The following MYO7B variants were observed in gnomAD, a reference collection of about 807,000 sequenced individuals.
The protein encoded by MYO7B is unconventional myosin-VIIb.
A neutral mutation model predicts 259.7 loss-of-function variants in MYO7B; 212 were observed. The observed-to-expected ratio is 0.82, with a 90% CI of 0.73 to 0.91. The LOEUF (loss-of-function observed/expected upper bound fraction) is 0.91. Ranked by LOEUF, MYO7B falls within the 40% of genes least tolerant of loss-of-function variation. MYO7B has a pLI of 0.00. For synonymous variants in MYO7B, 1,197 were observed against 1,166.4 expected (o/e 1.03, Z -0.54); for missense variants, 2,732 against 2,813.5 (o/e 0.97, Z 0.66).
Position 127,580,700 on chromosome 2 carries a change from C to T in MYO7B, c.1004-46C>T, listed in dbSNP as rs374243712. 131 of 1,562,156 alleles carry T rather than the reference C, an allele frequency of 8.4e-5. 2 individuals carry two copies. In the African/African-American group the frequency reaches 1.2e-3, roughly 15 times the overall value. ...GGGCCAGTCGGGACCTTGCTCCCAT[C>T]GCTCCAGGCTGCTTTCCAACTCAGC... On this transcript the variant is annotated intron_variant, in intron 9 of 47. Coordinates refer to ENST00000409816, the MANE Select transcript of MYO7B (RefSeq NM_001393586.1).
At chr2:127,629,877 G>A (rs1283611327) in intron 35 of MYO7B, 51 bp downstream of exon 35, 6 of 1,508,252 alleles carry the variant, frequency 4.0e-6, no homozygotes, top group East Asian at 4.8e-5. Context: ...GGTCAGGGTG[G>A]AGCAGTCCTG....
chr2:127,637,448 C>A lies in MYO7B; in HGVS notation c.*31C>A. 2.1e-6 allele frequency: 3 copies of A among 1,445,520 alleles called. No individual in the cohort carries two copies. Among genetic ancestry groups the A allele is most frequent in the Non-Finnish European group, 2.8e-6 (3 of 1,085,740 alleles). The allele number at this position is 1,445,520 out of a possible 1,614,324, so 89.5% of individuals were successfully genotyped here. A position where few individuals can be genotyped will look rare whatever the true frequency, so the allele number is the denominator to read the frequency against. On this transcript the variant is annotated 3_prime_UTR_variant, in exon 48 of 48. Transcript: ENST00000409816. ...GATGCTGGCGTGTCTGCTCAGGCGC[C>A]CTTCCCGACCTCTAGCCTGGCGGCA...
At chr2:127,582,096 G>A in intron 11 of MYO7B, 86 bp downstream of exon 11, 2 of 1,589,062 alleles carry the variant, frequency 1.3e-6, no homozygotes, top group South Asian at 2.3e-5. Flanking sequence ...GCAGGATGGA[G>A]CAGAGGGCCC....
At chr2:127,553,649 G>A (rs1272479992) in intron 1 of MYO7B, among the ~76,000 whole-genome samples, 1 of 152,158 alleles carries the variant, frequency 6.6e-6, no homozygotes, top group South Asian at 2.1e-4. Context: ...AATTCTAGGA[G>A]CTTTTTGGAG....
rs558647128 is a variant in MYO7B, at chr2:127,543,656, A to T, written c.-24+7825A>T. On this transcript the variant is annotated intron_variant, in intron 1 of 47. Coordinates refer to ENST00000409816, the MANE Select transcript of MYO7B (RefSeq NM_001393586.1). ...TTACAGTTAACAGTTCAATATAATTACCTCCCCAGAGTATTTCTCTCCATC... is the reference window on the plus strand; with the variant it reads ...TTACAGTTAACAGTTCAATATAATTTCCTCCCCAGAGTATTTCTCTCCATC... 4.6e-5 allele frequency among the ~76,000 whole-genome samples: 7 copies of T among 151,694 alleles called. No individual in the cohort carries two copies. In the East Asian group the frequency reaches 1.4e-3, roughly 29 times the overall value.
Position 127,609,173 on chromosome 2 carries a change from C to A in MYO7B, c.2814+295C>A, listed in dbSNP as rs1439332209. On this transcript the variant is annotated intron_variant, in intron 22 of 47. Coordinates refer to ENST00000409816, the MANE Select transcript of MYO7B (RefSeq NM_001393586.1). This position sits in a 1 kb window ranked among gnomAD's most constrained non-coding sequence, Gnocchi z 6.9. ...TATATTTGACCCCACCCGGGCACCCCCAGAGCACCTTTGAGGCCGCTGCTC... is the reference window on the plus strand; with the variant it reads ...TATATTTGACCCCACCCGGGCACCCACAGAGCACCTTTGAGGCCGCTGCTC... 6.6e-6 allele frequency among the ~76,000 whole-genome samples: 1 copy of A among 152,170 alleles called. No individual in the cohort carries two copies. Among genetic ancestry groups the A allele is most frequent in the Non-Finnish European group, 1.5e-5 (1 of 68,024 alleles).
rs576309577 is a variant in MYO7B at position 127,611,959 on chromosome 2, G to C, written c.3193-291G>C. Among the ~76,000 whole-genome samples the C allele has an allele frequency of 6.6e-6, 1 of 152,284 alleles. No homozygotes were observed. Among genetic ancestry groups the C allele is most frequent in the Admixed American group, 6.5e-5 (1 of 15,312 alleles). On this transcript the variant is annotated intron_variant, in intron 24 of 47. Coordinates refer to ENST00000409816, the MANE Select transcript of MYO7B (RefSeq NM_001393586.1). This position sits in a 1 kb window ranked among gnomAD's most constrained non-coding sequence, Gnocchi z 5.4. The stretch of plus-strand genomic sequence containing the variant: ...GGGAGAGGCACAAGCTTTGGGATCA[G>C]AACAGCCCTGAGCCCCTCCCTGGGG...
chr2:127,593,438 GC>G (rs1278220714), intron 17 of MYO7B, 107 bp from the exon 18 acceptor site: 1 of 1,106,050 alleles, frequency 9.0e-7, no homozygotes, highest in African/African-American at 1.6e-5. Context: ...GTGGGCGGCA[GC>G]CCCTGATGGG....
rs965147574 is a variant in MYO7B, at chr2:127,627,813, C to G, written c.4460+503C>G. ...AACTTTTCCATGCCCTTTGGGAAGTCCCACCCAAGCCCTGCCAGAGCGCCC... is the reference window on the plus strand; with the variant it reads ...AACTTTTCCATGCCCTTTGGGAAGTGCCACCCAAGCCCTGCCAGAGCGCCC... On this transcript the variant is annotated intron_variant, in intron 33 of 47. Coordinates refer to ENST00000409816, the MANE Select transcript of MYO7B (RefSeq NM_001393586.1). This position sits in a 1 kb window ranked among gnomAD's most constrained non-coding sequence, Gnocchi z 5.6. 1 of 457,738 alleles carries G rather than the reference C, an allele frequency of 2.2e-6. No individual in the cohort carries two copies. Among genetic ancestry groups the G allele is most frequent in the Non-Finnish European group, 4.4e-6 (1 of 227,766 alleles). 28.4% of individuals were successfully genotyped at this position (457,738 alleles called of 1,614,324 possible). A position where few individuals can be genotyped will look rare whatever the true frequency, so the allele number is the denominator to read the frequency against.
chr2:127,586,512 G>A lies in MYO7B; in HGVS notation c.1690+1599G>A, dbSNP rs1679311614. 1.3e-5 allele frequency among the ~76,000 whole-genome samples: 2 copies of A among 152,162 alleles called. No homozygotes were observed. The highest frequency in any genetic ancestry group is 2.4e-5 in the African/African-American group (1 of 41,420). On this transcript the variant is annotated intron_variant, in intron 14 of 47. Transcript: ENST00000409816. This position sits in a 1 kb window ranked among gnomAD's most constrained non-coding sequence, Gnocchi z 4.8. ...TGGGAGGCCAAGGGAGAAAGGGAAA[G>A]GTGCCGTGGCTCCTTCATAGTTCCT...
At chr2:127,574,148 C>T in intron 7 of MYO7B, 86 bp downstream of exon 7, 1 of 1,534,078 alleles carries the variant, frequency 6.5e-7, no homozygotes, top group African/African-American at 1.4e-5. Flanking sequence ...CACCTCTCCT[C>T]CCCTCTTCCC....
At chr2:127,549,344 T>C (rs1299862538) in intron 1 of MYO7B, among the ~76,000 whole-genome samples, 1 of 152,206 alleles carries the variant, frequency 6.6e-6, no homozygotes, top group Non-Finnish European at 1.5e-5. Context: ...GTATTTTTAT[T>C]AGGGAGTACA....
rs545173922 is a variant in MYO7B at position 127,623,176 on chromosome 2, G to A, written c.3646-26G>A. The A allele has an allele frequency of 6.8e-6, 11 of 1,612,416 alleles. No homozygotes were observed. The African/African-American group carries it at 1.3e-4, about 20-fold the overall frequency. ...CCTGTCCATAGGTTCCAAGAGGCCA[G>A]GGAACTGAATCTCATCTGTCCCCAG... On this transcript the variant is annotated intron_variant, in intron 28 of 47. Transcript: ENST00000409816.
Position 127,559,664 on chromosome 2 carries a change from T to C in MYO7B, c.-23-36T>C. 1.2e-6 allele frequency: 2 copies of C among 1,607,284 alleles called. No individual in the cohort carries two copies. Among genetic ancestry groups the C allele is most frequent in the Non-Finnish European group, 1.7e-6 (2 of 1,173,846 alleles). On this transcript the variant is annotated intron_variant, in intron 1 of 47. Coordinates refer to ENST00000409816, the MANE Select transcript of MYO7B (RefSeq NM_001393586.1). The surrounding 1 kb of genome is among the most constrained non-coding windows in gnomAD (Gnocchi z 4.1). ...TCCAGGGGCTCCTATTGGGGCTGTG[T>C]ATGGAGCTGACGTTCTGCTTTCTCT... is the stretch of plus-strand genomic sequence containing the variant.
In MYO7B at chr2:127,609,228, G is replaced by A. The variant is rs1680279549; in HGVS notation, c.2815-278G>A. Reference sequence around the variant, plus strand: ...GTGTGGCTGAGGAAGCTGCAGTGAGGATGGTGCATGCGGCAGAGGACACAG... The same window carrying A: ...GTGTGGCTGAGGAAGCTGCAGTGAGAATGGTGCATGCGGCAGAGGACACAG... On this transcript the variant is annotated intron_variant, in intron 22 of 47. Coordinates refer to ENST00000409816, the MANE Select transcript of MYO7B (RefSeq NM_001393586.1). This position sits in a 1 kb window ranked among gnomAD's most constrained non-coding sequence, Gnocchi z 6.9. Among the ~76,000 whole-genome samples, 1 of 152,266 alleles carries A rather than the reference G, an allele frequency of 6.6e-6. No homozygotes were observed. The highest frequency in any genetic ancestry group is 2.1e-4 in the South Asian group (1 of 4,826).
intron 5 of MYO7B, among the ~76,000 whole-genome samples, chr2:127,568,048 T>C (rs969582200): frequency 1.3e-5 from 2 of 152,194 alleles, no homozygotes; most frequent in African/African-American, 4.8e-5. Flanking sequence ...TCCCATGATA[T>C]GGTCTCATGT....
Position 127,546,776 on chromosome 2 carries a change from C to A in MYO7B, c.-24+10945C>A, listed in dbSNP as rs1693246102. On this transcript the variant is annotated intron_variant, in intron 1 of 47. Coordinates refer to ENST00000409816, the MANE Select transcript of MYO7B (RefSeq NM_001393586.1). This position sits in a 1 kb window ranked among gnomAD's most constrained non-coding sequence, Gnocchi z 4.2. Reference sequence around the variant, plus strand: ...TTCCTGGGTAGGTCCATCCATCCATCCATCCATCCATCCATCCATCCATCC... The same window carrying A: ...TTCCTGGGTAGGTCCATCCATCCATACATCCATCCATCCATCCATCCATCC... Among the ~76,000 whole-genome samples, 2 of 151,410 alleles carry A rather than the reference C, an allele frequency of 1.3e-5. No individual in the cohort carries two copies. The highest frequency in any genetic ancestry group is 1.3e-4 in the Admixed American group (2 of 15,144).
In MYO7B at chr2:127,578,234, C is replaced by T. The variant is rs779377098; in HGVS notation, c.951C>T (p.Asp317=). ...ILQFSDSESW[D]VIKLLAAILH... ...AGTTCTCCGACTCCGAGAGCTGGGA[C>T]GTCATCAAGCTGCTGGCTGCCATTC... The change falls in exon 9 of 48, where the codon GAC becomes GAT. Residue 317 remains aspartate (D), a synonymous_variant. Transcript: ENST00000409816. 1.5e-5 allele frequency: 25 copies of T among 1,613,704 alleles called. No homozygotes were observed. The East Asian group carries it at 2.0e-4, about 13-fold the overall frequency.
chr2:127,631,207 G>A lies in MYO7B; in HGVS notation c.4939G>A (p.Ala1647Thr). ...LEEFSYEFFR[A>T]PEKDMVSMAV... The stretch of plus-strand genomic sequence containing the variant: ...TCACACCAGCCTCTAACCTCACAGG[G>A]CTCCAGAGAAGGACATGGTGAGCAT... The change falls in exon 37 of 48, where the codon GCT becomes ACT. Residue 1647 changes from alanine (A) to threonine (T), a missense_variant and splice_region_variant. Transcript: ENST00000409816. 1 of 1,596,394 alleles carries A rather than the reference G, an allele frequency of 6.3e-7. No homozygotes were observed. Among genetic ancestry groups the A allele is most frequent in the Non-Finnish European group, 8.6e-7 (1 of 1,167,892 alleles).
Sources: allele counts gnomAD v4.1 joint callset (sites outside exome capture counted in the v4.1 genomes callset), GRCh38; gene constraint gnomAD v4.1.1; non-coding constraint Gnocchi (gnomAD v3.1); transcripts MANE v1.5; gene names NCBI Gene and HGNC (gene_info 2026-07-23, HGNC 2026-07-21).